The following PDZD2 variants were observed in gnomAD, a reference collection of about 807,000 sequenced individuals.
PDZD2 encodes PDZ domain-containing protein 2.
Under a neutral mutation model 220.7 loss-of-function variants are expected in PDZD2, and 90 were observed. The observed-to-expected ratio is 0.41, with a 90% CI of 0.34 to 0.49. The LOEUF (loss-of-function observed/expected upper bound fraction) is 0.49, where lower values mean the gene tolerates loss of function less well. PDZD2 is among the 20% of genes least tolerant of loss of function. The pLI is 0.28. For synonymous variants in PDZD2, 1,375 were observed against 1,450.5 expected (o/e 0.95, Z 1.18); for missense variants, 3,174 against 3,608.5 (o/e 0.88, Z 3.08).
At chr5:31,842,089 A>G (rs1044897366) in intron 2 of PDZD2, among the ~76,000 whole-genome samples, 1 of 152,216 alleles carries the variant, frequency 6.6e-6, no homozygotes, top group South Asian at 2.1e-4. Flanking sequence ...GTGAGCCGTT[A>G]ATTTGTAACT....
intron 2 of PDZD2, among the ~76,000 whole-genome samples, chr5:31,872,866 T>A (rs1003431432): frequency 6.6e-6 from 1 of 152,176 alleles, no homozygotes; most frequent in Non-Finnish European, 1.5e-5. Context: ...CCCATATGAC[T>A]ATAATGGAAC....
At chr5:32,011,900 A>ACCT (rs1259052004) in intron 6 of PDZD2, among the ~76,000 whole-genome samples, 2 of 152,154 alleles carry the variant, frequency 1.3e-5, no homozygotes, top group Non-Finnish European at 2.9e-5. Flanking sequence ...CACATCATAA[A>ACCT]CATCATAAGC....
At chr5:31,943,127 T>C (rs770456704) in intron 2 of PDZD2, among the ~76,000 whole-genome samples, 1 of 150,786 alleles carries the variant, frequency 6.6e-6, no homozygotes, top group Non-Finnish European at 1.5e-5. Flanking sequence ...CTCTTGAACA[T>C]GGGAGGCGGT....
Position 32,073,878 on chromosome 5 carries a change from T to C in PDZD2, c.2772T>C (p.Leu924=), listed in dbSNP as rs1741001594. Residue 924 remains leucine, a synonymous_variant, in exon 18 of 25, where the codon CTT becomes CTC. Transcript: ENST00000438447. The part of the protein sequence containing the change: ...GKPRANSLVT[L]GSHRASGLFH... The stretch of plus-strand genomic sequence containing the variant: ...CCAGAGCCAACAGCCTCGTGACTCT[T>C]GGGAGCCATCGGGCTTCTGGGCTCT... 5.6e-6 allele frequency: 9 copies of C among 1,614,098 alleles called. No homozygotes were observed. The highest frequency in any genetic ancestry group is 7.6e-6 in the Non-Finnish European group (9 of 1,179,982).
intron 2 of PDZD2, among the ~76,000 whole-genome samples, chr5:31,835,347 C>T (rs1756882175): frequency 6.6e-6 from 1 of 152,178 alleles, no homozygotes; most frequent in Non-Finnish European, 1.5e-5. Flanking sequence ...GGGCCAGGAG[C>T]AGTGGCTCAC....
chr5:32,052,730 G>A lies in PDZD2; in HGVS notation c.1785G>A (p.Lys595=), dbSNP rs375715257. ...SIIGLYKEKG[K]GLGFSIAGGR... ...TTGGGTTGTACAAAGAAAAAGGCAA[G>A]GTGAGCTCTTTTCTGCAGACTGTTC... The change falls in exon 9 of 25, where the codon AAG becomes AAA. Residue 595 remains lysine (K), a splice_region_variant and synonymous_variant. Transcript: ENST00000438447. 1 of 1,613,838 alleles carries A rather than the reference G, an allele frequency of 6.2e-7. No homozygotes were observed. Among genetic ancestry groups the A allele is most frequent in the Non-Finnish European group, 8.5e-7 (1 of 1,179,698 alleles).
intron 1 of PDZD2, among the ~76,000 whole-genome samples, chr5:31,797,554 C>T (rs116367335): frequency 8.1e-5 from 12 of 148,060 alleles, no homozygotes; most frequent in African/African-American, 1.7e-4. Flanking sequence ...AGACTGGTCT[C>T]GAACTCCTGA....
chr5:31,976,098 C>CT (rs1749744494), intron 2 of PDZD2, among the ~76,000 whole-genome samples: 1 of 152,010 alleles, frequency 6.6e-6, no homozygotes, highest in Admixed American at 6.6e-5. Context: ...TCTAGGGAGG[C>CT]TTTTGGAATC....
rs917109889 is a variant in PDZD2, at chr5:32,109,508, G to A, written c.*1373G>A. 1 of 152,054 alleles carries A rather than the reference G, an allele frequency of 6.6e-6. No homozygotes were observed. The highest frequency in any genetic ancestry group is 2.4e-5 in the African/African-American group (1 of 41,402). 9.4% of individuals were successfully genotyped at this position (152,054 alleles called of 1,614,324 possible). On this transcript the variant is annotated 3_prime_UTR_variant, in exon 25 of 25. Transcript: ENST00000438447. ...TAGCTGGCTTTTCTCTCCTCATGATGTACCTTATTTTCTTAGGTAAATAAT... is the reference window on the plus strand; with the variant it reads ...TAGCTGGCTTTTCTCTCCTCATGATATACCTTATTTTCTTAGGTAAATAAT...
chr5:31,793,991 G>A (rs934361820), intron 1 of PDZD2, among the ~76,000 whole-genome samples: 5 of 152,010 alleles, frequency 3.3e-5, no homozygotes, highest in African/African-American at 1.2e-4. Flanking sequence ...CAAACTCCAG[G>A]TGGCCATATT....
chr5:31,924,185 A>G (rs980406129), intron 2 of PDZD2, among the ~76,000 whole-genome samples: 1 of 152,192 alleles, frequency 6.6e-6, no homozygotes, highest in Non-Finnish European at 1.5e-5. Context: ...CTGCTGGTCC[A>G]GTTAATATGC....
At position 31,815,739 on chromosome 5, in the gene PDZD2, T is replaced by G. The variant is rs189709062; in HGVS notation, c.476+16015T>G. On this transcript the variant is annotated intron_variant, in intron 2 of 24. Coordinates refer to ENST00000438447, the MANE Select transcript of PDZD2 (RefSeq NM_178140.4). ...ACTTAGTCAGTTGGAGGGCTTAGAA[T>G]TTTATTTTCGGTTTACATATGAATG... Among the ~76,000 whole-genome samples the G allele has an allele frequency of 5.8e-4, 88 of 152,320 alleles. 1 individual carries two copies. In the East Asian group the frequency reaches 0.011, roughly 19 times the overall value.
At chr5:32,097,413 AT>A in intron 22 of PDZD2, 33 bp downstream of exon 22, 1 of 1,319,206 alleles carries the variant, frequency 7.6e-7, no homozygotes, top group Non-Finnish European at 1.1e-6. Context: ...TCTCAGGAAA[AT>A]CCCCCCTCAA....
Position 31,806,672 on chromosome 5 carries a change from G to A in PDZD2, c.476+6948G>A, listed in dbSNP as rs564813166. The stretch of plus-strand genomic sequence containing the variant: ...ACTTTCTGGAATGTTCTACTTACTT[G>A]TTTGGTGCAGGGAGAACTGGGAAGG... On this transcript the variant is annotated intron_variant, in intron 2 of 24. Transcript: ENST00000438447. 7.2e-4 allele frequency among the ~76,000 whole-genome samples: 109 copies of A among 152,288 alleles called. 2 individuals carry two copies. The South Asian group carries it at 0.022, about 31-fold the overall frequency.
intron 6 of PDZD2, among the ~76,000 whole-genome samples, chr5:32,032,263 T>C (rs1459096872): frequency 2.0e-5 from 3 of 152,224 alleles, no homozygotes; most frequent in African/African-American, 4.8e-5. Context: ...GCCCTGTTCC[T>C]CTTCCATGAG....
chr5:32,053,986 C>G (rs149414), intron 10 of PDZD2, 103 bp downstream of exon 10: 531,514 of 700,670 alleles, frequency 0.76, 202,491 homozygotes, highest in South Asian at 0.88. Context: ...TAGTAGACCT[C>G]GGCGGAATCT....
chr5:31,882,815 G>A (rs1185861459), intron 2 of PDZD2, among the ~76,000 whole-genome samples: 1 of 151,966 alleles, frequency 6.6e-6, no homozygotes, highest in East Asian at 1.9e-4. Flanking sequence ...GATCACTTGA[G>A]GCCAGGAGTT....
At position 32,048,576 on chromosome 5, in the gene PDZD2, C is replaced by T. The variant is rs542053385; in HGVS notation, c.1557C>T (p.Asn519=). Residue 519 remains asparagine, a synonymous_variant, in exon 8 of 25, where the codon AAC becomes AAT. Transcript: ENST00000438447. ...GCCTTGAGTCAGTTGAAGAATATAA[C>T]GAGCTGATGGTGCGGAATGGGGACC... is the stretch of plus-strand genomic sequence containing the variant. ...VHRLESVEEY[N]ELMVRNGDPR... is the part of the protein sequence containing the mutation. 68 of 1,613,822 alleles carry T rather than the reference C, an allele frequency of 4.2e-5. No individual in the cohort carries two copies. The highest frequency in any genetic ancestry group is 3.1e-4 in the South Asian group (28 of 91,068).
chr5:31,765,866 T>G (rs1056166869), intron 1 of PDZD2, among the ~76,000 whole-genome samples: 4 of 152,156 alleles, frequency 2.6e-5, no homozygotes, highest in Non-Finnish European at 5.9e-5. Flanking sequence ...GCTTAGATTT[T>G]AAAATGGTAA....
Sources: gnomAD v4.1 joint callset for allele counts (sites outside exome capture counted in the v4.1 genomes callset) on GRCh38, gnomAD v4.1.1 for gene constraint, MANE v1.5 for transcripts, NCBI Gene and HGNC (gene_info 2026-07-23, HGNC 2026-07-21) for gene names.